PDCD5: variants seen among roughly 807,000 people sequenced by gnomAD.
PDCD5 encodes the protein programmed cell death 5.
PDCD5 carries 23 observed loss-of-function variants against 21.9 expected under a neutral mutation model. The observed-to-expected ratio is 1.05, with a 90% CI of 0.76 to 1.49. The LOEUF (loss-of-function observed/expected upper bound fraction) is 1.49, where lower values mean the gene tolerates loss of function less well. Among genes scored for constraint, PDCD5 ranks in the 40% most tolerant of loss-of-function variants. PDCD5 has a pLI of 0.00. For missense variants in PDCD5, 152 were observed against 147.7 expected, an observed-to-expected ratio of 1.03 and a Z score of -0.15; for synonymous variants, 45 against 49.4, an observed-to-expected ratio of 0.91 and a Z score of 0.37.
chr19:32,582,817 C>T (rs1195986726), intron 2 of PDCD5, among the ~76,000 whole-genome samples: 1 of 152,212 alleles, frequency 6.6e-6, no homozygotes, highest in African/African-American at 2.4e-5. Context: ...GGACAATTCT[C>T]TATTTCCCCT....
chr19:32,586,932 A>G lies in PDCD5; in HGVS notation c.330+3A>G. On this transcript the variant is annotated splice_donor_region_variant and intron_variant, in intron 5 of 5. Transcript: ENST00000590247. ...CAGAAAAGACAACAACAGTGAAAGTAAGTGTCCCCAGATGCTTGTGGCAAA... is the reference window on the plus strand; with the variant it reads ...CAGAAAAGACAACAACAGTGAAAGTGAGTGTCCCCAGATGCTTGTGGCAAA... 1 of 1,606,890 alleles carries G rather than the reference A, an allele frequency of 6.2e-7. No individual in the cohort carries two copies. Among genetic ancestry groups the G allele is most frequent in the Non-Finnish European group, 8.5e-7 (1 of 1,174,968 alleles).
At chr19:32,587,140 A>C (rs1971485018) in intron 5 of PDCD5, 113 bp from the exon 6 acceptor site, 1 of 910,182 alleles carries the variant, frequency 1.1e-6, no homozygotes, top group Non-Finnish European at 1.8e-6. Context: ...AGTTCACGCT[A>C]AGTTGCTTTA....
chr19:32,583,308 G>A (rs571939649), intron 2 of PDCD5, among the ~76,000 whole-genome samples: 2 of 152,102 alleles, frequency 1.3e-5, no homozygotes, highest in Non-Finnish European at 1.5e-5. Context: ...ACTTTGTACT[G>A]AGAATGTTGC....
rs749029188 is a variant in PDCD5, at chr19:32,585,833, G to C, written c.184G>C (p.Val62Leu). ...ARARLSNLAL[V>L]KPEKTKAVEN... ...CTTTTTAGTAAGTAACTTAGCACTTGTAAAGCCTGAAAAAACTAAAGCAGT... is the reference window on the plus strand; with the variant it reads ...CTTTTTAGTAAGTAACTTAGCACTTCTAAAGCCTGAAAAAACTAAAGCAGT... Residue 62 changes from valine to leucine, a missense_variant, in exon 4 of 6, where the codon GTA (valine) becomes CTA (leucine). Transcript: ENST00000590247. The C allele has an allele frequency of 1.1e-5, 18 of 1,600,568 alleles. No homozygotes were observed. Among genetic ancestry groups the C allele is most frequent in the Non-Finnish European group, 1.5e-5 (18 of 1,167,938 alleles).
intron 2 of PDCD5, among the ~76,000 whole-genome samples, chr19:32,582,519 G>A (rs1481700948): frequency 1.3e-5 from 2 of 152,118 alleles, no homozygotes; most frequent in Admixed American, 1.3e-4. Flanking sequence ...CGGCTGTGGG[G>A]GTGACGTGAG....
intron 1 of PDCD5, chr19:32,581,810 C>A (rs1971429326): frequency 4.0e-6 from 1 of 248,590 alleles, no homozygotes; most frequent in Non-Finnish European, 7.6e-6. Flanking sequence ...GGATGGATCA[C>A]ACGCCCGGAG....
At chr19:32,587,048 G>C (rs1317295306) in intron 5 of PDCD5, 119 bp downstream of exon 5, 1 of 998,730 alleles carries the variant, frequency 1.0e-6, no homozygotes, top group South Asian at 1.6e-5. Flanking sequence ...TGTCAAACAC[G>C]TGAAAGTTTG....
intron 4 of PDCD5, 114 bp from the exon 5 acceptor site, chr19:32,586,744 C>G (rs776446611): frequency 2.4e-5 from 34 of 1,421,372 alleles, no homozygotes; most frequent in Non-Finnish European, 3.0e-5. Flanking sequence ...ACCACTGCTT[C>G]CTTCCTGAGC....
chr19:32,584,796 T>C (rs1392919654), intron 2 of PDCD5, 154 bp from the exon 3 acceptor site: 3 of 657,350 alleles, frequency 4.6e-6, no homozygotes, highest in African/African-American at 3.6e-5. Flanking sequence ...TACTTGAATG[T>C]AGCTGCAGCC....
chr19:32,586,795 C>G, intron 4 of PDCD5, 63 bp from the exon 5 acceptor site: 1 of 1,568,404 alleles, frequency 6.4e-7, no homozygotes, highest in Non-Finnish European at 8.6e-7. Context: ...GTGATTCCAT[C>G]TGCAGAGGTA....
chr19:32,581,384 A>T, intron 1 of PDCD5, 57 bp downstream of exon 1: 2 of 1,251,668 alleles, frequency 1.6e-6, no homozygotes, highest in Non-Finnish European at 2.1e-6. Flanking sequence ...CCTCGCCCGG[A>T]GTGTAGGGCG....
intron 5 of PDCD5, 21 bp from the exon 6 acceptor site, chr19:32,587,232 C>G: frequency 1.3e-6 from 2 of 1,536,944 alleles, no homozygotes; most frequent in Non-Finnish European, 1.8e-6. Flanking sequence ...TGTTCTGACA[C>G]TCATTTAATT....
At position 32,582,055 on chromosome 19, in the gene PDCD5, C is replaced by G; in HGVS notation, c.67-140C>G. 3 of 682,728 alleles carry G rather than the reference C, an allele frequency of 4.4e-6. No individual in the cohort carries two copies. In the South Asian group the frequency reaches 5.1e-5, roughly 12 times the overall value. The allele number at this position is 682,728 out of a possible 1,614,324, so 42.3% of individuals were successfully genotyped here. A position where few individuals can be genotyped will look rare whatever the true frequency, so the allele number is the denominator to read the frequency against. ...TAAGTGGGAACTAGTTCATTGATTT[C>G]TGTGAGGCCCAGTTTCTTATTTGGG... is the stretch of plus-strand genomic sequence containing the variant. On this transcript the variant is annotated intron_variant, in intron 1 of 5. Transcript: ENST00000590247.
chr19:32,585,981 A>G, intron 4 of PDCD5, 74 bp downstream of exon 4: 2 of 1,613,564 alleles, frequency 1.2e-6, no homozygotes, highest in Non-Finnish European at 1.7e-6. Context: ...GGTCAGCTGC[A>G]TCTTCACTGG....
At position 32,584,805 on chromosome 19, in the gene PDCD5, C is replaced by T. The variant is rs1327169209; in HGVS notation, c.105-145C>T. 1.0e-5 allele frequency: 7 copies of T among 687,762 alleles called. No individual in the cohort carries two copies. The Admixed American group carries it at 1.1e-4, about 11-fold the overall frequency. 42.6% of individuals were successfully genotyped at this position (687,762 alleles called of 1,614,324 possible). ...GGATTCTACTTGAATGTAGCTGCAG[C>T]CTTATGTACAGCAACTACCATAATG... On this transcript the variant is annotated intron_variant, in intron 2 of 5. Coordinates refer to ENST00000590247, the MANE Select transcript of PDCD5 (RefSeq NM_004708.4).
rs1295336415 is a variant in PDCD5, at chr19:32,586,446, C to A, written c.259-412C>A. 4 of 1,115,788 alleles carry A rather than the reference C, an allele frequency of 3.6e-6. No homozygotes were observed. The East Asian group carries it at 1.9e-4, about 52-fold the overall frequency. The allele number at this position is 1,115,788 out of a possible 1,614,324, so 69.1% of individuals were successfully genotyped here. ...TGAGAACTGCTTGTGTGGGAGAGAG[C>A]TGGTTGGGTTGATCTTTTCCGAGTG... is the stretch of plus-strand genomic sequence containing the variant. On this transcript the variant is annotated intron_variant, in intron 4 of 5. Coordinates refer to ENST00000590247, the MANE Select transcript of PDCD5 (RefSeq NM_004708.4).
At chr19:32,586,124 T>C (rs1971474063) in intron 4 of PDCD5, 8 of 1,510,702 alleles carry the variant, frequency 5.3e-6, no homozygotes, top group African/African-American at 1.4e-5. Context: ...GGAACCTTGT[T>C]GGTGTCTGTG....
intron 3 of PDCD5, 111 bp from the exon 4 acceptor site, chr19:32,585,705 T>A: frequency 1.4e-6 from 1 of 696,508 alleles, no homozygotes; most frequent in Non-Finnish European, 2.6e-6. Context: ...TGCCCTACAC[T>A]GAGGGACAAG....
chr19:32,584,650 T>C (rs771168412), intron 2 of PDCD5, among the ~76,000 whole-genome samples: 4 of 152,188 alleles, frequency 2.6e-5, no homozygotes, highest in Admixed American at 6.5e-5. Context: ...TGTCACGCAA[T>C]AGGTACTTAA....
Sources: gnomAD v4.1 joint callset for allele counts (sites outside exome capture counted in the v4.1 genomes callset) on GRCh38, gnomAD v4.1.1 for gene constraint, MANE v1.5 for transcripts, NCBI Gene and HGNC (gene_info 2026-07-23, HGNC 2026-07-21) for gene names.